ADAM12: variants seen among roughly 807,000 people sequenced by gnomAD.
ADAM12 encodes disintegrin and metalloproteinase domain-containing protein 12.
ADAM12 carries 70 observed loss-of-function variants against 106.4 expected under a neutral mutation model. The ratio of observed to expected loss-of-function variants is 0.66; its 90% CI spans 0.54 to 0.80. The LOEUF (loss-of-function observed/expected upper bound fraction) is 0.80, where lower values mean the gene tolerates loss of function less well. ADAM12 is among the 30% of genes least tolerant of loss of function. The pLI is 0.00. For missense variants in ADAM12, 1,010 were observed against 1,171.9 expected (o/e 0.86, Z 2.02); for synonymous variants, 420 against 433.5 (o/e 0.97, Z 0.39).
At chr10:126,071,282 A>G (rs1426125363) in intron 12 of ADAM12, among the ~76,000 whole-genome samples, 195 bp downstream of exon 12, 1 of 152,148 alleles carries the variant, frequency 6.6e-6, no homozygotes, top group East Asian at 1.9e-4. Context: ...TGAAGTGATC[A>G]CTTATTCCAT....
In ADAM12 at chr10:126,016,107, AAG is replaced by A. The variant is rs925950534; in HGVS notation, c.*1170_*1171del. ...AAGATTCCTGCAGCCAAGTTGGAAA[AAG>A]AGGATGCCCCATAGAGAAGGTTCTT... On this transcript the variant is annotated 3_prime_UTR_variant, in exon 23 of 23. Transcript: ENST00000448723. 1 of 152,196 alleles carries A rather than the reference AAG, an allele frequency of 6.6e-6. No homozygotes were observed. Among genetic ancestry groups the A allele is most frequent in the African/African-American group, 2.4e-5 (1 of 41,448 alleles). The allele number at this position is 152,196 out of a possible 1,614,324, so 9.4% of individuals were successfully genotyped here.
chr10:126,155,426 A>C, intron 3 of ADAM12, 121 bp from the exon 4 acceptor site: 2 of 854,756 alleles, frequency 2.3e-6, no homozygotes, highest in Non-Finnish European at 3.6e-6. Context: ...TTAACAGATA[A>C]TCCAAGGAAG....
intron 3 of ADAM12, among the ~76,000 whole-genome samples, chr10:126,255,235 T>C (rs79947174): frequency 1.3e-5 from 2 of 152,322 alleles, no homozygotes; most frequent in East Asian, 3.9e-4. Context: ...CTTCCTGTCT[T>C]CCTTTTGCTA....
intron 4 of ADAM12, among the ~76,000 whole-genome samples, chr10:126,145,862 G>A (rs886537693): frequency 2.6e-5 from 4 of 152,208 alleles, no homozygotes; most frequent in Non-Finnish European, 5.9e-5. Context: ...AATAAACATA[G>A]GCATGTGTGA....
intron 14 of ADAM12, among the ~76,000 whole-genome samples, chr10:126,055,789 CA>C (rs1196633874): frequency 9.2e-5 from 14 of 152,234 alleles, no homozygotes; most frequent in Non-Finnish European, 1.5e-4. Flanking sequence ...AATCTTTTTC[CA>C]AAAAATCTCC....
chr10:126,351,007 C>T (rs1008337509), intron 1 of ADAM12, among the ~76,000 whole-genome samples: 2 of 152,240 alleles, frequency 1.3e-5, no homozygotes, highest in African/African-American at 4.8e-5. Context: ...CATGTTCCCC[C>T]ACCACAGTGT....
rs534766258 is a variant in ADAM12, at chr10:126,030,105, A to G, written c.2529+6041T>C. ...AAGAAGTCATGGTATAGCTTCACAAATAATGATGTAGCCAGTGAAAAGAAT... is the reference window on the plus strand; with the variant it reads ...AAGAAGTCATGGTATAGCTTCACAAGTAATGATGTAGCCAGTGAAAAGAAT... On this transcript the variant is annotated intron_variant, in intron 21 of 22. Coordinates refer to ENST00000448723, the MANE Select transcript of ADAM12 (RefSeq NM_001288973.2). Among the ~76,000 whole-genome samples the G allele has an allele frequency of 1.0e-3, 157 of 152,382 alleles. 1 individual carries two copies. The highest frequency in any genetic ancestry group is 3.7e-3 in the African/African-American group (152 of 41,590).
rs1954817800 is a variant in ADAM12 at position 126,064,319 on chromosome 10, G to T, written c.1609+487C>A. Among the ~76,000 whole-genome samples the T allele has an allele frequency of 1.3e-5, 2 of 152,176 alleles. No individual in the cohort carries two copies. The highest frequency in any genetic ancestry group is 4.8e-5 in the African/African-American group (2 of 41,442). On this transcript the variant is annotated intron_variant, in intron 14 of 22. Coordinates refer to ENST00000448723, the MANE Select transcript of ADAM12 (RefSeq NM_001288973.2). This position sits in a 1 kb window ranked among gnomAD's most constrained non-coding sequence, Gnocchi z 4.4. ...CCATGGAGCCCTGGGCCCCTCACTT[G>T]GTTGGGGTCCTCTTATGAGTACAAA...
chr10:126,223,266 A>G (rs1958130364), intron 3 of ADAM12, among the ~76,000 whole-genome samples: 1 of 152,224 alleles, frequency 6.6e-6, no homozygotes, highest in African/African-American at 2.4e-5. Flanking sequence ...ATGCTCTGAC[A>G]TAGATTCGAA....
Position 126,049,484 on chromosome 10 carries a change from G to A in ADAM12, c.1719-33C>T, listed in dbSNP as rs1302723893. On this transcript the variant is annotated intron_variant, in intron 15 of 22. Transcript: ENST00000448723. This position sits in a 1 kb window ranked among gnomAD's most constrained non-coding sequence, Gnocchi z 4.4. The stretch of plus-strand genomic sequence containing the variant: ...GGTAAGAACAAACAATTCCCAAGGA[G>A]AAACCATTTGGAACCAACCCTATGC... 1.2e-6 allele frequency: 2 copies of A among 1,613,820 alleles called. No homozygotes were observed. The highest frequency in any genetic ancestry group is 1.3e-5 in the African/African-American group (1 of 74,912).
intron 3 of ADAM12, among the ~76,000 whole-genome samples, chr10:126,167,404 T>A (rs904308963): frequency 1.3e-5 from 2 of 152,236 alleles, no homozygotes; most frequent in African/African-American, 4.8e-5. Context: ...CTATACTTAA[T>A]GTAGCAATCT....
chr10:126,341,392 A>G (rs1854927350), intron 1 of ADAM12, among the ~76,000 whole-genome samples: 1 of 152,174 alleles, frequency 6.6e-6, no homozygotes, highest in Non-Finnish European at 1.5e-5. Context: ...CCTCATTGTG[A>G]TCATGATGAG....
At chr10:126,113,688 ATATATATATATATATATATATAT>A (rs1480170400) in intron 6 of ADAM12, among the ~76,000 whole-genome samples, 7 of 10,148 alleles carry the variant, frequency 6.9e-4, no homozygotes, top group Admixed American at 2.5e-3. Flanking sequence ...AAAAAAAAAA[ATATATATATATATATATATATAT>A]ATATATATAT....
intron 11 of ADAM12, among the ~76,000 whole-genome samples, chr10:126,080,158 T>C (rs1303426647): frequency 6.6e-6 from 1 of 152,170 alleles, no homozygotes; most frequent in Non-Finnish European, 1.5e-5. Flanking sequence ...ACATGGTCAT[T>C]GTGCCTCCTT....
chr10:126,291,464 A>G (rs1960146385), intron 2 of ADAM12, among the ~76,000 whole-genome samples: 1 of 152,250 alleles, frequency 6.6e-6, no homozygotes, highest in Non-Finnish European at 1.5e-5. Context: ...TAGAAAACAC[A>G]TTCAAATTGC....
intron 5 of ADAM12, among the ~76,000 whole-genome samples, chr10:126,126,146 G>A (rs1276814000): frequency 6.6e-6 from 1 of 152,142 alleles, no homozygotes; most frequent in Admixed American, 6.5e-5. Context: ...CAGCAGCAGA[G>A]CCAAGATGTC....
chr10:126,191,033 G>T (rs1957492005), intron 3 of ADAM12, among the ~76,000 whole-genome samples: 1 of 113,856 alleles, frequency 8.8e-6, no homozygotes. Flanking sequence ...ACAGAGTCTT[G>T]CTCTGTCACC....
intron 18 of ADAM12, chr10:126,041,729 T>G (rs35214304): frequency 0.09 from 92,721 of 1,031,008 alleles, 4,571 homozygotes; most frequent in Non-Finnish European, 0.1. Flanking sequence ...CTGCCAAGGC[T>G]GAGGTGTCAC....
Position 126,184,204 on chromosome 10 carries a change from A to G in ADAM12, c.261-28899T>C, listed in dbSNP as rs544458077. Among the ~76,000 whole-genome samples, 99 of 152,330 alleles carry G rather than the reference A, an allele frequency of 6.5e-4. 1 individual carries two copies. Among genetic ancestry groups the G allele is most frequent in the Non-Finnish European group, 1.9e-4 (13 of 68,034 alleles). On this transcript the variant is annotated intron_variant, in intron 3 of 22. Transcript: ENST00000448723. ...GGTCTTCCCAGTGTCAATCCAGAGCATATCAGAATTGAAATACCAGATAAA... is the reference window on the plus strand; with the variant it reads ...GGTCTTCCCAGTGTCAATCCAGAGCGTATCAGAATTGAAATACCAGATAAA...
Sources: allele counts gnomAD v4.1 joint callset (sites outside exome capture counted in the v4.1 genomes callset), GRCh38; gene constraint gnomAD v4.1.1; non-coding constraint Gnocchi (gnomAD v3.1); transcripts MANE v1.5; gene names NCBI Gene and HGNC (gene_info 2026-07-23, HGNC 2026-07-21).